The following SYNE2 variants were observed in gnomAD, a reference collection of about 807,000 sequenced individuals.
The protein encoded by SYNE2 is spectrin repeat containing nuclear envelope protein 2.
A neutral mutation model predicts 856.3 loss-of-function variants in SYNE2; 431 were observed. That is an observed-to-expected ratio of 0.50 (90% CI 0.47 to 0.55). The LOEUF (loss-of-function observed/expected upper bound fraction) is 0.55. Ranked by LOEUF, SYNE2 falls within the 20% of genes least tolerant of loss-of-function variation. The pLI is 0.00. For missense variants in SYNE2, 8,129 were observed against 8,023.2 expected, an observed-to-expected ratio of 1.01 and a Z score of -0.50; for synonymous variants, 2,923 against 2,872.3, an observed-to-expected ratio of 1.02 and a Z score of -0.56.
intron 61 of SYNE2, among the ~76,000 whole-genome samples, chr14:64,094,167 C>T (rs1406643313): frequency 6.6e-6 from 1 of 151,652 alleles, no homozygotes; most frequent in Non-Finnish European, 1.5e-5. Context: ...CCTGTCTCTA[C>T]TAAAAATACA....
intron 1 of SYNE2, among the ~76,000 whole-genome samples, chr14:63,829,069 G>C (rs550416972): frequency 6.6e-6 from 1 of 152,176 alleles, no homozygotes; most frequent in South Asian, 2.1e-4. Flanking sequence ...GTAGAAATTA[G>C]AACCCTCATA....
chr14:64,089,691 G>T lies in SYNE2; in HGVS notation c.11788G>T (p.Gly3930Trp). ...DFSPEEHLKH[G>W]EVILENIRPM... ...TTCACCTGAAGAACATCTCAAACAT[G>T]GGGAGGTAAGCATAGATTATTATTT... The change falls in exon 59 of 116, where the codon GGG becomes TGG. Residue 3930 changes from glycine (G) to tryptophan (W), a missense_variant. Gly to Trp is a radical substitution (Grantham distance 184). Transcript: ENST00000555002. 6.4e-7 allele frequency: 1 copy of T among 1,569,108 alleles called. No individual in the cohort carries two copies. Among genetic ancestry groups the T allele is most frequent in the Admixed American group, 1.7e-5 (1 of 59,820 alleles).
chr14:63,880,735 TAATC>T (rs950394180), intron 1 of SYNE2, among the ~76,000 whole-genome samples: 2 of 151,050 alleles, frequency 1.3e-5, no homozygotes, highest in African/African-American at 4.9e-5. Flanking sequence ...TACAGTGGTG[TAATC>T]ATGGCTCCCT....
intron 78 of SYNE2, among the ~76,000 whole-genome samples, chr14:64,135,887 G>A (rs990398016): frequency 1.3e-5 from 2 of 152,118 alleles, no homozygotes; most frequent in African/African-American, 4.8e-5. Flanking sequence ...CGTCGTCTGT[G>A]GGGCATGGAA....
At chr14:63,783,202 G>A (rs947504103) in intron 1 of SYNE2, among the ~76,000 whole-genome samples, 1 of 152,102 alleles carries the variant, frequency 6.6e-6, no homozygotes. Flanking sequence ...AGATCTGATC[G>A]TTTTATAAGT....
rs1386682692 is a variant in SYNE2, at chr14:64,162,246, G to C, written c.16269G>C (p.Glu5423Asp). Reference protein sequence around the residue: ...NISMSGNNLAEILPPALQDIK... With the variant: ...NISMSGNNLADILPPALQDIK... ...GCATGTCTGGAAACAACCTGGCAGA[G>C]ATCCTGCCCCCAGCCCTGCAGGACA... is the stretch of plus-strand genomic sequence containing the variant. The change falls in exon 88 of 116, where the codon GAG (glutamate) becomes GAC (aspartate). Residue 5423 changes from glutamate (E) to aspartate (D), a missense_variant. Glu to Asp is a conservative substitution (Grantham distance 45). This residue lies in a region of SYNE2 where 5,410 missense variants were observed against 5,284.8 expected (regional missense o/e 1.02). Coordinates refer to ENST00000555002, the MANE Select transcript of SYNE2 (RefSeq NM_182914.3). 2 of 1,614,088 alleles carry C rather than the reference G, an allele frequency of 1.2e-6. No individual in the cohort carries two copies.
chr14:63,823,837 A>G (rs1046004178), intron 1 of SYNE2, among the ~76,000 whole-genome samples: 2 of 151,818 alleles, frequency 1.3e-5, no homozygotes, highest in Non-Finnish European at 2.9e-5. Context: ...GAGTCTCCCT[A>G]TGTTGTCCAG....
In SYNE2 at chr14:64,174,033, A is replaced by T. The variant is rs184219562; in HGVS notation, c.17236-911A>T. 1,293 of 620,616 alleles carry T rather than the reference A, an allele frequency of 2.1e-3. 14 individuals are homozygous for T. The African/African-American group carries it at 0.022, about 10-fold the overall frequency. The allele number at this position is 620,616 out of a possible 1,614,324, so 38.4% of individuals were successfully genotyped here. ...CTGTAACACCGCCACTAAAATATAG[A>T]AAAAAATAAAAATAAACAAGACCTT... On this transcript the variant is annotated intron_variant, in intron 94 of 115. Transcript: ENST00000555002.
At chr14:64,144,376 G>A (rs914303588) in intron 83 of SYNE2, among the ~76,000 whole-genome samples, 4 of 152,068 alleles carry the variant, frequency 2.6e-5, no homozygotes, top group East Asian at 1.9e-4. Flanking sequence ...GAAAAGATTC[G>A]GAAAACTTAT....
intron 1 of SYNE2, among the ~76,000 whole-genome samples, chr14:63,879,714 C>T (rs2094814052): frequency 6.6e-6 from 1 of 152,218 alleles, no homozygotes. Flanking sequence ...AAATAAGCAA[C>T]AGAGGACAAA....
intron 52 of SYNE2, among the ~76,000 whole-genome samples, chr14:64,073,126 A>G (rs2097425659): frequency 6.6e-6 from 1 of 152,028 alleles, no homozygotes; most frequent in Non-Finnish European, 1.5e-5. Flanking sequence ...TTGATTATGT[A>G]ATTGGCCATT....
rs1464974043 is a variant in SYNE2, at chr14:64,107,486, T to C, written c.12493-5T>C. The C allele has an allele frequency of 2.5e-6, 4 of 1,612,736 alleles. No individual in the cohort carries two copies. Among genetic ancestry groups the C allele is most frequent in the Middle Eastern group, 1.6e-4 (1 of 6,082 alleles). ...TTTCTGGAGCTCTGATTCTTTTCTT[T>C]ACAGGAAGCATATGGGAAAATAAGC... is the stretch of plus-strand genomic sequence containing the variant. On this transcript the variant is annotated splice_polypyrimidine_tract_variant and splice_region_variant and intron_variant, in intron 64 of 115. Coordinates refer to ENST00000555002, the MANE Select transcript of SYNE2 (RefSeq NM_182914.3).
intron 1 of SYNE2, among the ~76,000 whole-genome samples, chr14:63,784,924 C>T (rs1019695978): frequency 6.7e-6 from 1 of 149,614 alleles, no homozygotes; most frequent in African/African-American, 2.5e-5. Context: ...TGTACATCTA[C>T]TAAATTCAGT....
chr14:64,007,132 A>C lies in SYNE2; in HGVS notation c.4487A>C (p.His1496Pro), dbSNP rs1433924062. 6.2e-7 allele frequency: 1 copy of C among 1,613,404 alleles called. No individual in the cohort carries two copies. The highest frequency in any genetic ancestry group is 8.5e-7 in the Non-Finnish European group (1 of 1,179,420). ...HLQEMANSLP[H>P]FKDGREKTVN... is the part of the protein sequence containing the mutation. Reference sequence around the variant, plus strand: ...CAAGAAATGGCTAATTCTCTTCCACACTTCAAAGATGGCAGAGAAAAAACC... The same window carrying C: ...CAAGAAATGGCTAATTCTCTTCCACCCTTCAAAGATGGCAGAGAAAAAACC... Residue 1496 changes from histidine to proline, a missense_variant, in exon 31 of 116, where the codon CAC (histidine) becomes CCC (proline). Physicochemically the swap from His to Pro is moderately conservative, Grantham distance 77. This residue lies in a region of SYNE2 where 2,422 missense variants were observed against 2,357.4 expected (regional missense o/e 1.03). Coordinates refer to ENST00000555002, the MANE Select transcript of SYNE2 (RefSeq NM_182914.3).
rs756664471 is a variant in SYNE2, at chr14:63,960,050, A to G, written c.788-1475A>G. 5.9e-5 allele frequency among the ~76,000 whole-genome samples: 9 copies of G among 152,320 alleles called. No individual in the cohort carries two copies. The South Asian group carries it at 6.2e-4, about 11-fold the overall frequency. ...ATATTTGAATAAGGGAACTATTTTG[A>G]CGTAATATTGTTAACACATTTAATC... On this transcript the variant is annotated intron_variant, in intron 8 of 115. Transcript: ENST00000555002.
chr14:64,202,200 C>T, intron 99 of SYNE2: 1 of 702,296 alleles, frequency 1.4e-6, no homozygotes, highest in South Asian at 1.5e-5. Context: ...GACAGAGATG[C>T]CCCATAATCT....
At chr14:63,858,441 G>A (rs961445814) in intron 1 of SYNE2, among the ~76,000 whole-genome samples, 2 of 145,592 alleles carry the variant, frequency 1.4e-5, no homozygotes, top group African/African-American at 5.1e-5. Flanking sequence ...TTTTGAGACA[G>A]TATCTCGCTG....
chr14:64,195,584 G>GC (rs1372998276), intron 99 of SYNE2, among the ~76,000 whole-genome samples: 1 of 152,166 alleles, frequency 6.6e-6, no homozygotes, highest in African/African-American at 2.4e-5. Flanking sequence ...AACCTGAAAA[G>GC]CTCACCTACT....
At chr14:64,113,995 A>G (rs1204563608) in intron 66 of SYNE2, among the ~76,000 whole-genome samples, 1 of 152,242 alleles carries the variant, frequency 6.6e-6, no homozygotes, top group Non-Finnish European at 1.5e-5. Flanking sequence ...AAATAGGTAT[A>G]TAAAGTATAT....
Sources: gnomAD v4.1 joint callset for allele counts (sites outside exome capture counted in the v4.1 genomes callset) on GRCh38, gnomAD v4.1.1 for gene constraint, gnomAD v4.1.1 regional missense constraint, MANE v1.5 for transcripts, NCBI Gene and HGNC (gene_info 2026-07-23, HGNC 2026-07-21) for gene names.